MSRA: variants seen among roughly 807,000 people sequenced by gnomAD.
MSRA encodes methionine sulfoxide reductase A, also known as mitochondrial peptide methionine sulfoxide reductase.
A neutral mutation model predicts 31.3 loss-of-function variants in MSRA; 54 were observed. The observed-to-expected ratio is 1.73, with a 90% CI of 1.39 to 2.17. The LOEUF is 2.17. Ranked by LOEUF, MSRA falls within the 30% of genes most tolerant of loss-of-function variation. The pLI, the probability that MSRA is intolerant of heterozygous loss-of-function variation, is 0.00. For synonymous variants in MSRA, 169 were observed against 116.5 expected (o/e 1.45, Z -2.90); for missense variants, 507 against 300.9 (o/e 1.69, Z -5.07).
chr8:10,207,974 G>C (rs543765767), intron 2 of MSRA, 73 bp downstream of exon 2: 2 of 1,224,492 alleles, frequency 1.6e-6, no homozygotes, highest in Non-Finnish European at 2.3e-6. Flanking sequence ...GTTTTAGCAA[G>C]TGTTCTCAGG....
At chr8:10,226,915 G>A (rs951930252) in intron 2 of MSRA, among the ~76,000 whole-genome samples, 3 of 152,028 alleles carry the variant, frequency 2.0e-5, no homozygotes, top group South Asian at 2.1e-4. Flanking sequence ...ATCCTTTATC[G>A]TCACCATGTC....
At chr8:10,385,342 G>A (rs1036766057) in intron 5 of MSRA, among the ~76,000 whole-genome samples, 3 of 152,188 alleles carry the variant, frequency 2.0e-5, no homozygotes, top group African/African-American at 4.8e-5. Flanking sequence ...GACAACGCAG[G>A]GACAAAGGTA....
intron 5 of MSRA, among the ~76,000 whole-genome samples, chr8:10,420,806 C>T (rs1474625096): frequency 3.3e-5 from 5 of 151,642 alleles, no homozygotes; most frequent in African/African-American, 9.7e-5. Context: ...GATAGTTGTA[C>T]AACAATGTGA....
At chr8:10,285,609 A>G (rs1799891043) in intron 3 of MSRA, among the ~76,000 whole-genome samples, 1 of 151,524 alleles carries the variant, frequency 6.6e-6, no homozygotes, top group Non-Finnish European at 1.5e-5. Flanking sequence ...ATCTCAATGT[A>G]TTTTGTACCT....
At chr8:10,400,919 C>G (rs1464490564) in intron 5 of MSRA, among the ~76,000 whole-genome samples, 1 of 152,144 alleles carries the variant, frequency 6.6e-6, no homozygotes, top group Non-Finnish European at 1.5e-5. Flanking sequence ...AACGATAAAT[C>G]CGTCTCAGGA....
At chr8:10,350,469 C>A (rs950245028) in intron 5 of MSRA, among the ~76,000 whole-genome samples, 1 of 152,126 alleles carries the variant, frequency 6.6e-6, no homozygotes, top group South Asian at 2.1e-4. Flanking sequence ...ATGAAAAGGC[C>A]CTATAAAGCC....
At chr8:10,082,787 C>T (rs371694202) in intron 1 of MSRA, among the ~76,000 whole-genome samples, 11 of 152,154 alleles carry the variant, frequency 7.2e-5, no homozygotes, top group South Asian at 2.1e-4. Flanking sequence ...TTATTCCACC[C>T]GCTCCTCGTG....
At chr8:10,343,353 T>C (rs1157092308) in intron 5 of MSRA, among the ~76,000 whole-genome samples, 1 of 152,224 alleles carries the variant, frequency 6.6e-6, no homozygotes, top group Non-Finnish European at 1.5e-5. Flanking sequence ...CTGTACGTCA[T>C]GCAGGAGTGA....
At position 10,132,272 on chromosome 8, in the gene MSRA, A is replaced by G. The variant is rs1428245872; in HGVS notation, c.143-75561A>G. 3.3e-5 allele frequency among the ~76,000 whole-genome samples: 5 copies of G among 152,184 alleles called. No homozygotes were observed. The South Asian group carries it at 8.3e-4, about 25-fold the overall frequency. ...TCAGATGACTTATTTGACATTAGCA[A>G]TGTTAGATTCTTGCTCCACTGCAGC... On this transcript the variant is annotated intron_variant, in intron 1 of 5. Transcript: ENST00000317173.
At chr8:10,313,855 A>C (rs1315509673) in intron 4 of MSRA, among the ~76,000 whole-genome samples, 2 of 152,256 alleles carry the variant, frequency 1.3e-5, no homozygotes, top group African/African-American at 4.8e-5. Context: ...GTTCAGAAAC[A>C]GACCCACTCA....
At chr8:10,277,725 C>T (rs2004678) in intron 3 of MSRA, among the ~76,000 whole-genome samples, 15,196 of 152,072 alleles carry the variant, frequency 0.1, 1,022 homozygotes, top group Admixed American at 0.21. Context: ...ATCTAATTTA[C>T]GGTTCTTTGG....
At chr8:10,398,360 C>T (rs1008969798) in intron 5 of MSRA, among the ~76,000 whole-genome samples, 1 of 152,220 alleles carries the variant, frequency 6.6e-6, no homozygotes, top group African/African-American at 2.4e-5. Context: ...AGCTTTAGAG[C>T]AGGTCAGGGT....
chr8:10,314,696 G>A (rs1801617146), intron 4 of MSRA, among the ~76,000 whole-genome samples: 1 of 152,180 alleles, frequency 6.6e-6, no homozygotes, highest in South Asian at 2.1e-4. Flanking sequence ...GAGAATACAT[G>A]TCAAGAATGT....
chr8:10,320,027 A>G, intron 5 of MSRA, 38 bp downstream of exon 5: 1 of 1,403,348 alleles, frequency 7.1e-7, no homozygotes, highest in Non-Finnish European at 9.9e-7. Flanking sequence ...GGCTTAGGCC[A>G]CCATGACTAG....
At chr8:10,387,225 G>A (rs887189415) in intron 5 of MSRA, among the ~76,000 whole-genome samples, 2 of 152,204 alleles carry the variant, frequency 1.3e-5, no homozygotes, top group Non-Finnish European at 1.5e-5. Flanking sequence ...TAACATGATC[G>A]ATGTCACAAA....
At chr8:10,074,460 G>C (rs1250438178) in intron 1 of MSRA, among the ~76,000 whole-genome samples, 2 of 152,058 alleles carry the variant, frequency 1.3e-5, no homozygotes, top group Non-Finnish European at 2.9e-5. Flanking sequence ...AGTATGACCT[G>C]AGTCTCTAAG....
chr8:10,129,260 G>A (rs1023879766), intron 1 of MSRA, among the ~76,000 whole-genome samples: 2 of 152,136 alleles, frequency 1.3e-5, no homozygotes, highest in Non-Finnish European at 2.9e-5. Flanking sequence ...ATTGGTAGTG[G>A]TAGCATGGTA....
intron 1 of MSRA, among the ~76,000 whole-genome samples, chr8:10,187,760 G>T (rs1370816718): frequency 6.6e-6 from 1 of 152,144 alleles, no homozygotes; most frequent in African/African-American, 2.4e-5. Flanking sequence ...TAAACATCAT[G>T]TTACCTGCCA....
intron 1 of MSRA, among the ~76,000 whole-genome samples, chr8:10,180,432 A>C (rs1196306291): frequency 6.6e-6 from 1 of 152,104 alleles, no homozygotes; most frequent in African/African-American, 2.4e-5. Flanking sequence ...TGGAGGCTTC[A>C]TTATGTAGGA....
Sources: gnomAD v4.1 joint callset for allele counts (sites outside exome capture counted in the v4.1 genomes callset) on GRCh38, gnomAD v4.1.1 for gene constraint, MANE v1.5 for transcripts, NCBI Gene and HGNC (gene_info 2026-07-23, HGNC 2026-07-21) for gene names.